Variants in CCBE1 observed in about 807,000 individuals in gnomAD.
CCBE1 encodes the protein collagen and calcium binding EGF domains 1, also known as collagen and calcium-binding EGF domain-containing protein 1.
In CCBE1, 37 loss-of-function variants were observed where a neutral mutation model predicts 50.0. The observed-to-expected ratio is 0.74, with a 90% CI of 0.57 to 0.97. CCBE1 has a LOEUF of 0.97. Among genes scored for constraint, CCBE1 ranks in the 50% least tolerant of loss-of-function variants. The pLI, the probability that CCBE1 is intolerant of heterozygous loss-of-function variation, is 0.00. For missense variants in CCBE1, 538 were observed against 523.8 expected, an observed-to-expected ratio of 1.03 and a Z score of -0.26; for synonymous variants, 234 against 203.7, an observed-to-expected ratio of 1.15 and a Z score of -1.27.
intron 2 of CCBE1, among the ~76,000 whole-genome samples, chr18:59,634,691 T>G (rs535616635): frequency 6.6e-6 from 1 of 152,304 alleles, no homozygotes; most frequent in South Asian, 2.1e-4. Context: ...TATCATTTAT[T>G]TAAAATAATT....
intron 1 of CCBE1, among the ~76,000 whole-genome samples, chr18:59,696,969 G>A (rs2054815694): frequency 6.6e-6 from 1 of 152,222 alleles, no homozygotes; most frequent in South Asian, 2.1e-4. Context: ...GCACCCGGGG[G>A]GAGGCAGGAA....
chr18:59,586,035 G>A (rs1341138050), intron 2 of CCBE1, among the ~76,000 whole-genome samples: 1 of 152,128 alleles, frequency 6.6e-6, no homozygotes, highest in Non-Finnish European at 1.5e-5. Context: ...TGGCCTTTTA[G>A]TAATTTCACT....
chr18:59,450,101 TAA>T (rs771927839), intron 6 of CCBE1, among the ~76,000 whole-genome samples: 1 of 152,152 alleles, frequency 6.6e-6, no homozygotes, highest in Non-Finnish European at 1.5e-5. Flanking sequence ...TGTAGTAATG[TAA>T]AAAGAGTCTG....
chr18:59,636,425 C>G (rs1568246142), intron 2 of CCBE1, among the ~76,000 whole-genome samples: 1 of 152,148 alleles, frequency 6.6e-6, no homozygotes, highest in South Asian at 2.1e-4. Flanking sequence ...GAAGTTGTCC[C>G]AGATCTAGGC....
At chr18:59,589,651 T>C (rs2053230661) in intron 2 of CCBE1, among the ~76,000 whole-genome samples, 1 of 151,558 alleles carries the variant, frequency 6.6e-6, no homozygotes, top group Admixed American at 6.6e-5. Context: ...AAAACAAAAT[T>C]AGCCGGGTGT....
chr18:59,570,478 T>G (rs1268413655), intron 2 of CCBE1, among the ~76,000 whole-genome samples: 3 of 152,234 alleles, frequency 2.0e-5, no homozygotes, highest in African/African-American at 7.2e-5. Flanking sequence ...GTCTCTGGTC[T>G]GCTGGCTGTA....
intron 2 of CCBE1, among the ~76,000 whole-genome samples, chr18:59,609,341 G>A (rs1206586526): frequency 6.6e-6 from 1 of 152,170 alleles, no homozygotes; most frequent in East Asian, 1.9e-4. Context: ...AGTTCCTCTT[G>A]CATATATCAC....
intron 2 of CCBE1, among the ~76,000 whole-genome samples, chr18:59,500,853 G>C (rs1436850428): frequency 3.9e-5 from 6 of 152,124 alleles, no homozygotes; most frequent in Admixed American, 2.0e-4. Flanking sequence ...TGTAACAATG[G>C]AAACACAGGA....
At chr18:59,544,483 A>G (rs34972074) in intron 2 of CCBE1, among the ~76,000 whole-genome samples, 3,508 of 152,318 alleles carry the variant, frequency 0.023, 93 homozygotes, top group East Asian at 0.12. Flanking sequence ...CAAACTACAT[A>G]AGATGTACTT....
At chr18:59,451,433 TAAAAAA>T (rs34421089) in intron 6 of CCBE1, among the ~76,000 whole-genome samples, 1 of 99,366 alleles carries the variant, frequency 1.0e-5, no homozygotes, top group African/African-American at 4.1e-5. Context: ...ACAAGCAACT[TAAAAAA>T]AAAAAAAAAA....
At chr18:59,618,512 G>A (rs539027667) in intron 2 of CCBE1, among the ~76,000 whole-genome samples, 4 of 149,698 alleles carry the variant, frequency 2.7e-5, no homozygotes, top group African/African-American at 9.9e-5. Context: ...TCGGCTTACT[G>A]CAACCTCCAT....
chr18:59,560,430 C>T (rs1425190806), intron 2 of CCBE1, among the ~76,000 whole-genome samples: 1 of 152,130 alleles, frequency 6.6e-6, no homozygotes, highest in Non-Finnish European at 1.5e-5. Flanking sequence ...AGGGGAACAT[C>T]ACACACCGGG....
intron 5 of CCBE1, among the ~76,000 whole-genome samples, chr18:59,461,270 G>C (rs1376119800): frequency 6.7e-6 from 1 of 149,818 alleles, no homozygotes; most frequent in Non-Finnish European, 1.5e-5. Context: ...ACTGGCCCTT[G>C]CTGGGCCACA....
chr18:59,473,230 A>C (rs1269615030), intron 3 of CCBE1, among the ~76,000 whole-genome samples: 4 of 152,142 alleles, frequency 2.6e-5, no homozygotes, highest in Non-Finnish European at 5.9e-5. Flanking sequence ...TATGATTACT[A>C]CTGATAGTCT....
At chr18:59,637,414 G>C (rs2053929104) in intron 2 of CCBE1, among the ~76,000 whole-genome samples, 1 of 152,010 alleles carries the variant, frequency 6.6e-6, no homozygotes, top group African/African-American at 2.4e-5. Flanking sequence ...CAATTACAAA[G>C]AGGTGTGTTA....
chr18:59,474,974 C>T (rs556702891), intron 3 of CCBE1, among the ~76,000 whole-genome samples: 32 of 152,270 alleles, frequency 2.1e-4, no homozygotes, highest in Middle Eastern at 3.4e-3. Flanking sequence ...ATTTTGTCCT[C>T]GTGGGTTTGT....
intron 2 of CCBE1, among the ~76,000 whole-genome samples, chr18:59,583,680 T>TGTGCGCGCGCGCGC (rs1229840840): frequency 1.7e-5 from 1 of 59,346 alleles, no homozygotes; most frequent in Non-Finnish European, 4.4e-5. Flanking sequence ...TGTGTGTGTG[T>TGTGCGCGCGCGCGC]GCGCGCGCGC....
chr18:59,520,196 T>A (rs1469614478), intron 2 of CCBE1, among the ~76,000 whole-genome samples: 1 of 152,214 alleles, frequency 6.6e-6, no homozygotes, highest in Non-Finnish European at 1.5e-5. Flanking sequence ...GTAGTTTTTT[T>A]CTAATTCTGT....
chr18:59,619,049 A>G (rs1278236423), intron 2 of CCBE1, among the ~76,000 whole-genome samples: 2 of 152,218 alleles, frequency 1.3e-5, no homozygotes, highest in Non-Finnish European at 2.9e-5. Flanking sequence ...CTGTAAAATG[A>G]AGTTAAAGGA....
Sources: gnomAD v4.1 joint callset for allele counts (sites outside exome capture counted in the v4.1 genomes callset) on GRCh38, gnomAD v4.1.1 for gene constraint, MANE v1.5 for transcripts, NCBI Gene and HGNC (gene_info 2026-07-23, HGNC 2026-07-21) for gene names.